Variants in COG6 observed in about 807,000 individuals in gnomAD.
COG6 encodes conserved oligomeric Golgi complex subunit 6.
A neutral mutation model predicts 88.8 loss-of-function variants in COG6; 74 were observed. The observed-to-expected ratio is 0.83, with a 90% CI of 0.69 to 1.01. The LOEUF is 1.01. Among genes scored for constraint, COG6 ranks in the 50% least tolerant of loss-of-function variants. The probability of loss-of-function intolerance (pLI) is 0.00; values close to 1 mark genes in which losing one functional copy is unlikely to be tolerated. For missense variants in COG6, 800 were observed against 797.9 expected, an observed-to-expected ratio of 1.00 and a Z score of -0.03; for synonymous variants, 286 against 278.7, an observed-to-expected ratio of 1.03 and a Z score of -0.26.
intron 4 of COG6, among the ~76,000 whole-genome samples, chr13:39,669,043 C>T (rs1410007823): frequency 6.6e-6 from 1 of 152,060 alleles, no homozygotes; most frequent in African/African-American, 2.4e-5. Context: ...TCCATCACCA[C>T]AAATAGTGTC....
chr13:39,690,134 T>TAA (rs1046064698), intron 11 of COG6, among the ~76,000 whole-genome samples: 2 of 152,002 alleles, frequency 1.3e-5, no homozygotes, highest in African/African-American at 4.8e-5. Context: ...TATGAACTCT[T>TAA]AACAGAGAGA....
In COG6 at chr13:39,751,663, T is replaced by A. The variant is rs1233649385; in HGVS notation, c.*570T>A. The A allele has an allele frequency of 1.6e-6, 2 of 1,287,064 alleles. No homozygotes were observed. Among genetic ancestry groups the A allele is most frequent in the Non-Finnish European group, 2.0e-6 (2 of 988,586 alleles). 79.7% of individuals were successfully genotyped at this position (1,287,064 alleles called of 1,614,324 possible). ...GGTGTATATGGCAGTGAATCTCCTT[T>A]CTGTTCTACTTTAGCATACTATATA... On this transcript the variant is annotated 3_prime_UTR_variant, in exon 19 of 19. Transcript: ENST00000455146.
At chr13:39,791,068 C>A (rs1210670740) in exon 19 of COG6, 1 of 152,050 alleles carries the variant, frequency 6.6e-6, no homozygotes, top group Non-Finnish European at 1.5e-5. Flanking sequence ...AAAAGCCTTG[C>A]TTTCTTGTTC....
intron 18 of COG6, among the ~76,000 whole-genome samples, chr13:39,749,941 G>A (rs1880533420): frequency 6.6e-6 from 1 of 152,124 alleles, no homozygotes; most frequent in East Asian, 1.9e-4. Flanking sequence ...CAGTGCCTAG[G>A]ATGGATTGAA....
At chr13:39,695,480 A>G (rs917232952) in intron 12 of COG6, among the ~76,000 whole-genome samples, 4 of 151,860 alleles carry the variant, frequency 2.6e-5, no homozygotes, top group African/African-American at 9.7e-5. Flanking sequence ...TTTTCCATTA[A>G]ATAATTATTT....
Position 39,751,057 on chromosome 13 carries a change from CCGAT to C in COG6, c.1941_1944del (p.Ser648ArgfsTer17). On this transcript the variant is annotated frameshift_variant, in exon 19 of 19. Transcript: ENST00000455146. LOFTEE classifies it high-confidence loss of function. The stretch of plus-strand genomic sequence containing the variant: ...ACAAAGATCCAGAGAACATTCTTCA[CCGAT>C]CGCCGCAGCAAGTGCAGACGCTTCT... The C allele has an allele frequency of 6.2e-7, 1 of 1,613,724 alleles. No individual in the cohort carries two copies. The highest frequency in any genetic ancestry group is 1.7e-5 in the Admixed American group (1 of 59,946).
intron 4 of COG6, among the ~76,000 whole-genome samples, chr13:39,667,912 G>A (rs1363609516): frequency 1.3e-5 from 2 of 152,126 alleles, no homozygotes; most frequent in Non-Finnish European, 2.9e-5. Flanking sequence ...TTGCTGCTGA[G>A]TTTGGAACTG....
chr13:39,735,087 A>G (rs1879663111), intron 18 of COG6, among the ~76,000 whole-genome samples: 1 of 151,990 alleles, frequency 6.6e-6, no homozygotes, highest in Admixed American at 6.5e-5. Context: ...GTTGGAGACC[A>G]TAGTCCATTT....
At chr13:39,660,706 A>G in intron 2 of COG6, 104 bp from the exon 3 acceptor site, 2 of 791,780 alleles carry the variant, frequency 2.5e-6, no homozygotes, top group Non-Finnish European at 4.3e-6. Flanking sequence ...TGCCTTGACC[A>G]AAAAAATAAA....
intron 18 of COG6, among the ~76,000 whole-genome samples, chr13:39,748,104 CTA>C (rs1403462141): frequency 3.3e-5 from 5 of 152,126 alleles, no homozygotes; most frequent in Non-Finnish European, 7.4e-5. Flanking sequence ...TCTCAGAAAT[CTA>C]TGTTATTGCG....
chr13:39,749,299 A>G (rs929685225), intron 18 of COG6, among the ~76,000 whole-genome samples: 3 of 152,052 alleles, frequency 2.0e-5, no homozygotes, highest in African/African-American at 4.8e-5. Flanking sequence ...ATCATATTCA[A>G]AATATACTGG....
intron 3 of COG6, among the ~76,000 whole-genome samples, chr13:39,662,849 T>C (rs1289108503): frequency 1.3e-5 from 2 of 152,136 alleles, no homozygotes; most frequent in African/African-American, 4.8e-5. Context: ...TATACATTCA[T>C]AATATCAACT....
Position 39,776,805 on chromosome 13 carries a change from G to A in COG6, c.1827-11530G>A, listed in dbSNP as rs371003846. 1.8e-4 allele frequency among the ~76,000 whole-genome samples: 27 copies of A among 152,294 alleles called. No individual in the cohort carries two copies. In the East Asian group the frequency reaches 4.4e-3, roughly 25 times the overall value. ...TGGGGACTATCTAGCTGCTAGGAAA[G>A]TTTGTCAAATTCCCCTTGCTTTTGT... is the stretch of plus-strand genomic sequence containing the variant. On this transcript the variant is annotated intron_variant, in intron 18 of 18. Transcript: ENST00000416691.
chr13:39,750,273 A>AT (rs1212601959), intron 18 of COG6, among the ~76,000 whole-genome samples: 1 of 152,212 alleles, frequency 6.6e-6, no homozygotes, highest in Admixed American at 6.5e-5. Context: ...AGTTAATGTC[A>AT]TGGAACTATG....
intron 13 of COG6, among the ~76,000 whole-genome samples, chr13:39,707,117 G>A (rs971219070): frequency 1.3e-5 from 2 of 150,982 alleles, no homozygotes; most frequent in Non-Finnish European, 3.0e-5. Flanking sequence ...AGAAGAAGAA[G>A]AACAAATGAG....
At position 39,727,463 on chromosome 13, in the gene COG6, A is replaced by G. The variant is rs1879193641; in HGVS notation, c.1747-6A>G. On this transcript the variant is annotated splice_polypyrimidine_tract_variant and splice_region_variant and intron_variant, in intron 17 of 18. Transcript: ENST00000455146. ...TTTATATTTTGTATTTCTCTGTTTC[A>G]TTTAGGTTCAGTTTGATCGTTATCT... 6.2e-7 allele frequency: 1 copy of G among 1,606,488 alleles called. No individual in the cohort carries two copies. Among genetic ancestry groups the G allele is most frequent in the Non-Finnish European group, 8.5e-7 (1 of 1,173,340 alleles).
chr13:39,664,309 T>C (rs549620929), intron 3 of COG6, among the ~76,000 whole-genome samples: 4 of 152,358 alleles, frequency 2.6e-5, no homozygotes, highest in Non-Finnish European at 4.4e-5. Flanking sequence ...TATGCATCTT[T>C]CTGGCTCATT....
chr13:39,704,729 A>G (rs1278678423), intron 13 of COG6, among the ~76,000 whole-genome samples: 6 of 152,170 alleles, frequency 3.9e-5, no homozygotes, highest in Non-Finnish European at 7.4e-5. Flanking sequence ...TAGGATGAAA[A>G]TGAGGAAAGA....
intron 18 of COG6, among the ~76,000 whole-genome samples, chr13:39,785,244 C>G (rs1379083081): frequency 6.6e-6 from 1 of 152,178 alleles, no homozygotes; most frequent in Non-Finnish European, 1.5e-5. Context: ...CTAGTAAACT[C>G]CTTGGCATTC....
Sources: gnomAD v4.1 joint callset for allele counts (sites outside exome capture counted in the v4.1 genomes callset) on GRCh38, gnomAD v4.1.1 for gene constraint, MANE v1.5 for transcripts, NCBI Gene and HGNC (gene_info 2026-07-23, HGNC 2026-07-21) for gene names.